ADAMTS20: variants seen among roughly 807,000 people sequenced by gnomAD.
ADAMTS20 encodes the protein ADAM metallopeptidase with thrombospondin type 1 motif 20.
Under a neutral mutation model 260.1 loss-of-function variants are expected in ADAMTS20, and 225 were observed. That is an observed-to-expected ratio of 0.87 (90% CI 0.78 to 0.97). ADAMTS20 has a LOEUF of 0.97. ADAMTS20 is among the 50% of genes least tolerant of loss of function. The pLI, the probability that ADAMTS20 is intolerant of heterozygous loss-of-function variation, is 0.00. For synonymous variants in ADAMTS20, 802 were observed against 769.5 expected, an observed-to-expected ratio of 1.04 and a Z score of -0.70; for missense variants, 2,400 against 2,337.7, an observed-to-expected ratio of 1.03 and a Z score of -0.55.
At chr12:43,418,457 G>A (rs1941172272) in intron 28 of ADAMTS20, among the ~76,000 whole-genome samples, 1 of 151,926 alleles carries the variant, frequency 6.6e-6, no homozygotes, top group South Asian at 2.1e-4. Flanking sequence ...TTACAGGCAC[G>A]CGCCACCACG....
chr12:43,417,735 TATACTC>T (rs939899672), intron 28 of ADAMTS20, among the ~76,000 whole-genome samples: 36 of 152,192 alleles, frequency 2.4e-4, no homozygotes, highest in African/African-American at 3.6e-4. Flanking sequence ...TTTTAGGACA[TATACTC>T]ATATTTGTTT....
intron 7 of ADAMTS20, among the ~76,000 whole-genome samples, chr12:43,471,882 G>A (rs1942269324): frequency 7.6e-6 from 1 of 131,692 alleles, no homozygotes; most frequent in South Asian, 2.8e-4. Context: ...CACAAAGATG[G>A]GGAAAAAACA....
chr12:43,529,961 A>T (rs545802510), intron 3 of ADAMTS20, among the ~76,000 whole-genome samples: 1 of 152,258 alleles, frequency 6.6e-6, no homozygotes, highest in Non-Finnish European at 1.5e-5. Flanking sequence ...GTCATTAATT[A>T]ATTGCCTTTA....
intron 31 of ADAMTS20, among the ~76,000 whole-genome samples, chr12:43,381,186 C>T (rs1021856056): frequency 6.6e-6 from 1 of 152,082 alleles, no homozygotes; most frequent in Admixed American, 6.6e-5. Flanking sequence ...TAGACCCCTA[C>T]CTCACATCAC....
chr12:43,512,141 A>G (rs1246429176), intron 3 of ADAMTS20, among the ~76,000 whole-genome samples: 1 of 151,378 alleles, frequency 6.6e-6, no homozygotes, highest in African/African-American at 2.4e-5. Context: ...CAAAAACCCT[A>G]TGAGGTAAGT....
At chr12:43,462,807 G>A (rs1592081935) in intron 11 of ADAMTS20, 88 bp downstream of exon 11, 1 of 1,058,822 alleles carries the variant, frequency 9.4e-7, no homozygotes, top group East Asian at 2.7e-5. Flanking sequence ...AAAGTTGACA[G>A]CAAATAACAA....
chr12:43,403,924 T>C (rs1284358036), intron 28 of ADAMTS20, among the ~76,000 whole-genome samples: 2 of 152,076 alleles, frequency 1.3e-5, no homozygotes, highest in African/African-American at 4.8e-5. Context: ...CATCATATCA[T>C]TTCCTCCCAC....
intron 29 of ADAMTS20, among the ~76,000 whole-genome samples, chr12:43,384,669 T>C (rs1271618096): frequency 6.6e-6 from 1 of 152,160 alleles, no homozygotes; most frequent in East Asian, 1.9e-4. Context: ...TGTGTTCTCA[T>C]TGTTCAACTC....
chr12:43,356,420 C>G (rs200373945), intron 38 of ADAMTS20, 64 bp downstream of exon 38: 210 of 1,054,734 alleles, frequency 2.0e-4, no homozygotes, highest in African/African-American at 4.8e-5. Flanking sequence ...AGGTAGAGAA[C>G]CTTTAATGCT....
chr12:43,438,201 A>G (rs1459538058), intron 18 of ADAMTS20, among the ~76,000 whole-genome samples: 1 of 152,212 alleles, frequency 6.6e-6, no homozygotes, highest in Non-Finnish European at 1.5e-5. Context: ...TGTTTTTCCA[A>G]ACTTCCATTT....
chr12:43,423,583 C>T (rs1592060739), intron 28 of ADAMTS20: 5 of 606,872 alleles, frequency 8.2e-6, no homozygotes, highest in Admixed American at 2.9e-5. Context: ...CCACAGTCTT[C>T]TTAAGAACTA....
chr12:43,524,666 T>C (rs2137489058), intron 3 of ADAMTS20, among the ~76,000 whole-genome samples: 1 of 151,826 alleles, frequency 6.6e-6, no homozygotes, highest in East Asian at 1.9e-4. Flanking sequence ...CAAAGAAAAA[T>C]CAATCAGAAC....
Position 43,452,427 on chromosome 12 carries a change from G to A in ADAMTS20, c.1943-17C>T. Reference sequence around the variant, plus strand: ...TTGTGCCAACTGTAAAAAAGAAAAAGGTCAAATTTTTAATGTATAATAATA... The same window carrying A: ...TTGTGCCAACTGTAAAAAAGAAAAAAGTCAAATTTTTAATGTATAATAATA... On this transcript the variant is annotated splice_polypyrimidine_tract_variant and intron_variant, in intron 13 of 38. Coordinates refer to ENST00000389420, the MANE Select transcript of ADAMTS20 (RefSeq NM_025003.5). 1 of 1,604,780 alleles carries A rather than the reference G, an allele frequency of 6.2e-7. No individual in the cohort carries two copies. The highest frequency in any genetic ancestry group is 8.5e-7 in the Non-Finnish European group (1 of 1,177,374).
At chr12:43,501,240 A>C (rs1942755398) in intron 4 of ADAMTS20, among the ~76,000 whole-genome samples, 1 of 151,430 alleles carries the variant, frequency 6.6e-6, no homozygotes, top group Admixed American at 6.6e-5. Context: ...TTGTATTTTT[A>C]GTAGAGATGA....
At chr12:43,546,418 G>C (rs1337132452) in intron 2 of ADAMTS20, among the ~76,000 whole-genome samples, 2 of 152,052 alleles carry the variant, frequency 1.3e-5, no homozygotes, top group African/African-American at 2.4e-5. Context: ...GAAGTTAACT[G>C]TCTAGGCAGT....
At chr12:43,440,230 G>A (rs1158047183) in intron 16 of ADAMTS20, among the ~76,000 whole-genome samples, 161 bp from the exon 17 acceptor site, 3 of 141,868 alleles carry the variant, frequency 2.1e-5, no homozygotes, top group African/African-American at 7.9e-5. Context: ...TGTAACCTTC[G>A]CCTCGCCTCT....
At chr12:43,465,482 G>A (rs550043956) in intron 9 of ADAMTS20, among the ~76,000 whole-genome samples, 36 of 152,132 alleles carry the variant, frequency 2.4e-4, no homozygotes, top group East Asian at 1.5e-3. Flanking sequence ...TGCAATGTCC[G>A]GTATGCAGAA....
Position 43,430,392 on chromosome 12 carries a change from T to C in ADAMTS20, c.3341A>G (p.Asp1114Gly), listed in dbSNP as rs1291796021. The C allele has an allele frequency of 1.7e-5, 27 of 1,612,462 alleles. No individual in the cohort carries two copies. Among genetic ancestry groups the C allele is most frequent in the Non-Finnish European group, 2.0e-5 (23 of 1,179,028 alleles). ...GCGACTAGCTTCATGGCATTCTGTG[T>C]CCTCTAACACTGCACTAGCTAGCTC... The part of the protein sequence containing the change: ...VNELASAVLE[D>G]TECHEASRPS... Residue 1114 changes from aspartate to glycine, a missense_variant, in exon 23 of 39, where the codon GAC (aspartate) becomes GGC (glycine). Physicochemically the swap from Asp to Gly is moderately conservative, Grantham distance 94. Coordinates refer to ENST00000389420, the MANE Select transcript of ADAMTS20 (RefSeq NM_025003.5).
Position 43,501,471 on chromosome 12 carries a change from G to A in ADAMTS20, c.867+681C>T, listed in dbSNP as rs1048102922. ...GTGGTGGAGGGGGATACGCGCGCGC[G>A]CGCGCGCGCGCACACACACACACAC... On this transcript the variant is annotated intron_variant, in intron 4 of 38. Transcript: ENST00000389420. Among the ~76,000 whole-genome samples, 154 of 46,776 alleles carry A rather than the reference G, an allele frequency of 3.3e-3. 1 individual carries two copies. The East Asian group carries it at 0.1, about 31-fold the overall frequency. 30.7% of individuals were successfully genotyped at this position (46,776 alleles called of 152,430 possible).
Sources: allele counts gnomAD v4.1 joint callset (sites outside exome capture counted in the v4.1 genomes callset), GRCh38; gene constraint gnomAD v4.1.1; transcripts MANE v1.5; gene names NCBI Gene and HGNC (gene_info 2026-07-23, HGNC 2026-07-21).